The following CDH18 variants were observed in gnomAD, a reference collection of about 807,000 sequenced individuals.
CDH18 encodes cadherin-18.
A neutral mutation model predicts 67.9 loss-of-function variants in CDH18; 31 were observed. That is an observed-to-expected ratio of 0.46 (90% CI 0.34 to 0.62). The LOEUF (loss-of-function observed/expected upper bound fraction) is 0.62, where lower values mean the gene tolerates loss of function less well. CDH18 is among the 20% of genes least tolerant of loss of function. The pLI is 0.01. For synonymous variants in CDH18, 362 were observed against 347.2 expected, an observed-to-expected ratio of 1.04 and a Z score of -0.48; for missense variants, 890 against 975.5, an observed-to-expected ratio of 0.91 and a Z score of 1.17.
intron 2 of CDH18, among the ~76,000 whole-genome samples, chr5:20,027,788 T>TA (rs991907927): frequency 1.7e-4 from 26 of 152,158 alleles, no homozygotes; most frequent in Non-Finnish European, 2.9e-4. Flanking sequence ...TGGTCTTGAA[T>TA]AAAAAATCAC....
chr5:19,999,009 A>G (rs1484184322), intron 2 of CDH18, among the ~76,000 whole-genome samples: 2 of 152,210 alleles, frequency 1.3e-5, no homozygotes, highest in Non-Finnish European at 2.9e-5. Flanking sequence ...AATTCAAGAA[A>G]GAAATGTTAA....
chr5:20,243,918 A>G (rs564905115), intron 2 of CDH18, among the ~76,000 whole-genome samples: 2 of 152,194 alleles, frequency 1.3e-5, no homozygotes, highest in Non-Finnish European at 2.9e-5. Context: ...AAAGTACACT[A>G]TTTACACAAG....
At chr5:19,772,507 A>G (rs949470859) in intron 3 of CDH18, among the ~76,000 whole-genome samples, 1 of 151,874 alleles carries the variant, frequency 6.6e-6, no homozygotes, top group Non-Finnish European at 1.5e-5. Flanking sequence ...CTAAAAGCTG[A>G]AAAAAAACAG....
Position 19,721,375 on chromosome 5 carries a change from T to C in CDH18, c.615A>G (p.Gln205=), listed in dbSNP as rs1766071252. Residue 205 remains glutamine (Q), a synonymous_variant, in exon 5 of 13, where the codon CAA becomes CAG. Coordinates refer to ENST00000382275, the MANE Select transcript of CDH18 (RefSeq NM_004934.5). ...ARVVYSILQG[Q]PYFSVDPKTG... Reference sequence around the variant, plus strand: ...TTTTAGGGTCGACGGAGAAGTAGGGTTGTCCTTGGAGAATGCTGTAAACCA... The same window carrying C: ...TTTTAGGGTCGACGGAGAAGTAGGGCTGTCCTTGGAGAATGCTGTAAACCA... 3.1e-6 allele frequency: 5 copies of C among 1,606,932 alleles called. No individual in the cohort carries two copies. The highest frequency in any genetic ancestry group is 4.3e-6 in the Non-Finnish European group (5 of 1,174,828).
intron 1 of CDH18, among the ~76,000 whole-genome samples, chr5:20,330,802 T>C (rs1739097358): frequency 6.6e-6 from 1 of 152,140 alleles, no homozygotes; most frequent in African/African-American, 2.4e-5. Flanking sequence ...AGGCACTTGA[T>C]CTCTCAAGTC....
intron 3 of CDH18, among the ~76,000 whole-genome samples, chr5:19,760,384 G>A (rs527683403): frequency 6.6e-6 from 1 of 152,230 alleles, no homozygotes; most frequent in Non-Finnish European, 1.5e-5. Flanking sequence ...CCACGATCCC[G>A]ATTTCCCTAG....
intron 2 of CDH18, among the ~76,000 whole-genome samples, chr5:20,242,461 A>T (rs1480381610): frequency 6.6e-6 from 1 of 151,076 alleles, no homozygotes; most frequent in Non-Finnish European, 1.5e-5. Flanking sequence ...TATCAATGAG[A>T]TCATATGATA....
intron 2 of CDH18, among the ~76,000 whole-genome samples, chr5:20,230,421 A>G (rs958742319): frequency 1.3e-5 from 2 of 152,186 alleles, no homozygotes; most frequent in African/African-American, 4.8e-5. Context: ...TCATGATGTG[A>G]TATCTTTAAC....
intron 5 of CDH18, among the ~76,000 whole-genome samples, chr5:19,661,826 C>A (rs1320807280): frequency 6.6e-6 from 1 of 152,144 alleles, no homozygotes; most frequent in Middle Eastern, 3.4e-3. Context: ...ATTTACCCTC[C>A]GCTGTCTATC....
At chr5:20,257,738 A>G (rs1214228055) in intron 1 of CDH18, among the ~76,000 whole-genome samples, 3 of 152,166 alleles carry the variant, frequency 2.0e-5, no homozygotes, top group African/African-American at 7.2e-5. Context: ...CTTTTGAAAA[A>G]GAATTTATAA....
At chr5:20,407,011 T>C (rs1746329391) in intron 1 of CDH18, among the ~76,000 whole-genome samples, 1 of 152,152 alleles carries the variant, frequency 6.6e-6, no homozygotes, top group South Asian at 2.1e-4. Context: ...GGGTCAAATA[T>C]TCCAACTTAT....
chr5:19,587,760 C>A (rs573908147), intron 7 of CDH18, among the ~76,000 whole-genome samples: 7 of 151,576 alleles, frequency 4.6e-5, no homozygotes, highest in Non-Finnish European at 8.8e-5. Flanking sequence ...CTTAGGATTG[C>A]CTTGGCTCTT....
chr5:19,968,356 T>C (rs1175608565), intron 2 of CDH18, among the ~76,000 whole-genome samples: 3 of 152,086 alleles, frequency 2.0e-5, no homozygotes, highest in Non-Finnish European at 4.4e-5. Flanking sequence ...AAAGTTCATA[T>C]GGAACCAAAA....
chr5:20,411,634 AAAAT>A (rs1322702267), intron 1 of CDH18, among the ~76,000 whole-genome samples: 1 of 152,036 alleles, frequency 6.6e-6, no homozygotes, highest in Non-Finnish European at 1.5e-5. Context: ...TCTGCACAGG[AAAAT>A]AAATAATCAA....
chr5:20,421,613 T>G (rs1747865254), intron 1 of CDH18, among the ~76,000 whole-genome samples: 2 of 151,058 alleles, frequency 1.3e-5, no homozygotes, highest in Non-Finnish European at 2.9e-5. Context: ...TCAAATGGAA[T>G]AAAAATGATT....
intron 1 of CDH18, among the ~76,000 whole-genome samples, chr5:20,553,887 C>T (rs1757771120): frequency 6.6e-6 from 1 of 152,116 alleles, no homozygotes; most frequent in Non-Finnish European, 1.5e-5. Context: ...TTGTCTTTTA[C>T]TCCTAAAGAG....
In CDH18 at chr5:19,903,541, G is replaced by GTATATATA. The variant is rs112818883; in HGVS notation, c.-256-64307_-256-64300dup. Among the ~76,000 whole-genome samples the GTATATATA allele has an allele frequency of 5.7e-3, 708 of 124,734 alleles. 13 individuals carry two copies. Among genetic ancestry groups the GTATATATA allele is most frequent in the Non-Finnish European group, 7.2e-3 (437 of 60,380 alleles). 81.8% of individuals were successfully genotyped at this position (124,734 alleles called of 152,430 possible). On this transcript the variant is annotated intron_variant, in intron 2 of 12. Coordinates refer to ENST00000382275, the MANE Select transcript of CDH18 (RefSeq NM_004934.5). ...CAAAATAATGACTCTGTGTGTGTGT[G>GTATATATA]TATATATATATATATATATATATAT...
chr5:20,534,800 T>C (rs940500110), intron 1 of CDH18, among the ~76,000 whole-genome samples: 4 of 151,290 alleles, frequency 2.6e-5, no homozygotes, highest in African/African-American at 9.7e-5. Context: ...TACTGACTTC[T>C]GAACTCTGTT....
intron 2 of CDH18, chr5:19,886,138 C>A (rs1788165446): frequency 2.6e-5 from 4 of 152,270 alleles, no homozygotes; most frequent in South Asian, 4.1e-4. Flanking sequence ...CTCTAATTAT[C>A]ACACCACTCA....
Sources: allele counts gnomAD v4.1 joint callset (sites outside exome capture counted in the v4.1 genomes callset), GRCh38; gene constraint gnomAD v4.1.1; transcripts MANE v1.5; gene names NCBI Gene and HGNC (gene_info 2026-07-23, HGNC 2026-07-21).